The following TXNDC16 variants were observed in gnomAD, a reference collection of about 807,000 sequenced individuals.
The protein encoded by TXNDC16 is thioredoxin domain containing 16.
In TXNDC16, 74 loss-of-function variants were observed where a neutral mutation model predicts 85.6. That is an observed-to-expected ratio of 0.86 (90% CI 0.72 to 1.05). TXNDC16 has a LOEUF of 1.05. TXNDC16 is among the 50% of genes least tolerant of loss of function. The pLI is 0.00. For missense variants in TXNDC16, 959 were observed against 947.0 expected (o/e 1.01, Z -0.17); for synonymous variants, 335 against 326.5 (o/e 1.03, Z -0.28).
intron 9 of TXNDC16, among the ~76,000 whole-genome samples, chr14:52,507,034 A>C (rs1346229827): frequency 6.6e-6 from 1 of 152,064 alleles, no homozygotes; most frequent in African/African-American, 2.4e-5. Context: ...CACCACTCTT[A>C]TTCAACATAG....
intron 7 of TXNDC16, among the ~76,000 whole-genome samples, chr14:52,516,190 G>A (rs910677434): frequency 6.6e-6 from 1 of 152,114 alleles, no homozygotes; most frequent in African/African-American, 2.4e-5. Flanking sequence ...CCTCTCTTGT[G>A]TTGGGTCCTT....
chr14:52,488,839 A>AAAC (rs1555337758), intron 11 of TXNDC16, among the ~76,000 whole-genome samples: 1 of 151,562 alleles, frequency 6.6e-6, no homozygotes. Context: ...GGGAAAAAAA[A>AAAC]AAAAAAAAAA....
intron 18 of TXNDC16, among the ~76,000 whole-genome samples, chr14:52,444,074 A>T (rs1035489777): frequency 3.9e-5 from 6 of 152,218 alleles, no homozygotes; most frequent in African/African-American, 1.2e-4. Flanking sequence ...ACTGAATTAC[A>T]AAAGCCGGAA....
chr14:52,493,195 A>C (rs1191028881), intron 9 of TXNDC16, among the ~76,000 whole-genome samples: 1 of 129,224 alleles, frequency 7.7e-6, no homozygotes, highest in Non-Finnish European at 1.6e-5. Context: ...TCACTGTTCT[A>C]TATATATATA....
At chr14:52,479,634 A>G (rs1227652547) in intron 14 of TXNDC16, among the ~76,000 whole-genome samples, 3 of 152,166 alleles carry the variant, frequency 2.0e-5, no homozygotes, top group African/African-American at 7.2e-5. Flanking sequence ...AGACTTCTAC[A>G]GGGAAAACTA....
intron 1 of TXNDC16, among the ~76,000 whole-genome samples, chr14:52,550,262 G>C (rs149354508): frequency 6.6e-6 from 1 of 152,130 alleles, no homozygotes; most frequent in Admixed American, 6.5e-5. Flanking sequence ...AGTATATAAC[G>C]CTTACAAAGT....
At chr14:52,529,683 T>TAA (rs1460371042) in intron 6 of TXNDC16, among the ~76,000 whole-genome samples, 3 of 111,766 alleles carry the variant, frequency 2.7e-5, no homozygotes, top group African/African-American at 7.5e-5. Flanking sequence ...ATAATATATA[T>TAA]AATGCCTATT....
At chr14:52,479,695 T>A (rs2036102551) in intron 14 of TXNDC16, among the ~76,000 whole-genome samples, 1 of 152,196 alleles carries the variant, frequency 6.6e-6, no homozygotes, top group East Asian at 1.9e-4. Flanking sequence ...TGGAAACACA[T>A]CTCATGTTCA....
At chr14:52,540,066 T>C (rs2037794578) in intron 4 of TXNDC16, among the ~76,000 whole-genome samples, 1 of 152,202 alleles carries the variant, frequency 6.6e-6, no homozygotes. Context: ...ATGGAACAAG[T>C]AGGTGGTAAC....
chr14:52,497,165 A>T (rs1475674844), intron 9 of TXNDC16, among the ~76,000 whole-genome samples: 1 of 152,156 alleles, frequency 6.6e-6, no homozygotes, highest in African/African-American at 2.4e-5. Flanking sequence ...AACTTTCAAA[A>T]ATGATATAAT....
intron 11 of TXNDC16, among the ~76,000 whole-genome samples, chr14:52,488,702 C>T (rs1429608984): frequency 3.3e-5 from 5 of 151,596 alleles, no homozygotes; most frequent in Admixed American, 6.6e-5. Context: ...GGCGTGGTGG[C>T]GCACGCCTGT....
chr14:52,496,766 T>C (rs1397130371), intron 9 of TXNDC16, among the ~76,000 whole-genome samples: 1 of 151,904 alleles, frequency 6.6e-6, no homozygotes, highest in Non-Finnish European at 1.5e-5. Flanking sequence ...CATACCATCA[T>C]ACCCAGCTAA....
At chr14:52,470,761 C>G in intron 14 of TXNDC16, 81 bp from the exon 15 acceptor site, 2 of 1,343,244 alleles carry the variant, frequency 1.5e-6, no homozygotes, top group Non-Finnish European at 2.0e-6. Context: ...TTTTTCTATC[C>G]CATTCTTATT....
chr14:52,433,266 A>G (rs1239972733), intron 20 of TXNDC16, among the ~76,000 whole-genome samples: 1 of 152,198 alleles, frequency 6.6e-6, no homozygotes, highest in Non-Finnish European at 1.5e-5. Context: ...TCTTAACATT[A>G]TTTTAAAATA....
rs751624730 is a variant in TXNDC16 at position 52,470,108 on chromosome 14, T to C, written c.1547A>G (p.Glu516Gly). Reference protein sequence around the residue: ...IQEAEEYLSGELYKDLILYSS... With the variant: ...IQEAEEYLSGGLYKDLILYSS... ...ATACAAGATGAGGTCTTTATATAAT[T>C]CCCCACTTAAATATTCTTCTGCTTC... The change falls in exon 16 of 21, where the codon GAA becomes GGA. Residue 516 changes from glutamate (E) to glycine (G), a missense_variant. Physicochemically the swap from Glu to Gly is moderately conservative, Grantham distance 98. Coordinates refer to ENST00000281741, the MANE Select transcript of TXNDC16 (RefSeq NM_020784.3). 1.1e-5 allele frequency: 17 copies of C among 1,611,028 alleles called. 2 individuals carry two copies. The South Asian group carries it at 1.8e-4, about 17-fold the overall frequency.
chr14:52,447,168 G>T (rs1477196742), intron 18 of TXNDC16, among the ~76,000 whole-genome samples: 1 of 151,714 alleles, frequency 6.6e-6, no homozygotes, highest in Non-Finnish European at 1.5e-5. Flanking sequence ...TGGGCCAGAG[G>T]CAAGCCCACT....
At position 52,488,388 on chromosome 14, in the gene TXNDC16, G is replaced by A; in HGVS notation, c.1083C>T (p.Asp361=). 6.2e-7 allele frequency: 1 copy of A among 1,613,542 alleles called. No individual in the cohort carries two copies. The highest frequency in any genetic ancestry group is 8.5e-7 in the Non-Finnish European group (1 of 1,179,702). The stretch of plus-strand genomic sequence containing the variant: ...CTATATCTGGACCTTCCATGTCATT[G>A]TCTTCATCTTCTTGTATTTCCTCAA... ...MHIEEIQEDE[D]NDMEGPDIDV... Residue 361 remains aspartate (D), a synonymous_variant, in exon 12 of 21, where the codon GAC becomes GAT. Transcript: ENST00000281741.
At chr14:52,494,726 T>C (rs1267287231) in intron 9 of TXNDC16, among the ~76,000 whole-genome samples, 3 of 152,236 alleles carry the variant, frequency 2.0e-5, no homozygotes, top group African/African-American at 7.2e-5. Flanking sequence ...ATGAATTGCA[T>C]GAACTCATGA....
chr14:52,514,857 T>G (rs1004893587), intron 8 of TXNDC16, 23 bp downstream of exon 8: 1 of 1,546,904 alleles, frequency 6.5e-7, no homozygotes, highest in African/African-American at 1.4e-5. Context: ...TTTAAATTGT[T>G]GACATATGCT....
Sources: gnomAD v4.1 joint callset for allele counts (sites outside exome capture counted in the v4.1 genomes callset) on GRCh38, gnomAD v4.1.1 for gene constraint, MANE v1.5 for transcripts, NCBI Gene and HGNC (gene_info 2026-07-23, HGNC 2026-07-21) for gene names.